The following SAFB2 variants were observed in gnomAD, a reference collection of about 807,000 sequenced individuals.
The protein encoded by SAFB2 is scaffold attachment factor B2.
A neutral mutation model predicts 100.6 loss-of-function variants in SAFB2; 32 were observed. That is an observed-to-expected ratio of 0.32 (90% CI 0.24 to 0.43). SAFB2 has a LOEUF of 0.43. SAFB2 is among the 20% of genes least tolerant of loss of function. SAFB2 has a pLI of 1.00. For missense variants in SAFB2, 1,185 were observed against 1,163.4 expected (o/e 1.02, Z -0.27); for synonymous variants, 500 against 439.4 (o/e 1.14, Z -1.72).
chr19:5,608,941 G>C (rs940628661), intron 9 of SAFB2, among the ~76,000 whole-genome samples: 12 of 150,942 alleles, frequency 8.0e-5, no homozygotes, highest in Non-Finnish European at 1.8e-4. Flanking sequence ...CCAGCTACTC[G>C]AGAAGCTAAG....
chr19:5,622,381 G>A (rs922048213), intron 1 of SAFB2, 149 bp downstream of exon 1: 3 of 668,032 alleles, frequency 4.5e-6, no homozygotes, highest in East Asian at 6.5e-5. Context: ...TCACACAGCC[G>A]GCCCCCTGGG....
rs1353586960 is a variant in SAFB2 at position 5,587,401 on chromosome 19, T to C, written c.2706-2A>G. Reference sequence around the variant, plus strand: ...CCACCTTGTGCAAAGCCGCCTCGCCTAGGAACAAAGTCAGACAATTTTTTT... The same window carrying C: ...CCACCTTGTGCAAAGCCGCCTCGCCCAGGAACAAAGTCAGACAATTTTTTT... On this transcript the variant is annotated splice_acceptor_variant, in intron 20 of 20. Coordinates refer to ENST00000252542, the MANE Select transcript of SAFB2 (RefSeq NM_014649.3). LOFTEE classifies it high-confidence loss of function. The surrounding 1 kb of genome is among the most constrained non-coding windows in gnomAD (Gnocchi z 4.9). The C allele has an allele frequency of 6.2e-7, 1 of 1,608,980 alleles. No individual in the cohort carries two copies. The highest frequency in any genetic ancestry group is 8.5e-7 in the Non-Finnish European group (1 of 1,177,826).
In SAFB2 at chr19:5,587,393, G is replaced by A. The variant is rs759357896; in HGVS notation, c.2712C>T (p.Gly904=). The A allele has an allele frequency of 8.7e-6, 14 of 1,610,670 alleles. No homozygotes were observed. Among genetic ancestry groups the A allele is most frequent in the South Asian group, 5.5e-5 (5 of 90,442 alleles). The part of the protein sequence containing the change: ...MASRGGVAGR[G]GFAQGGHSQG... ...GGGAATGTCCACCTTGTGCAAAGCC[G>A]CCTCGCCTAGGAACAAAGTCAGACA... Residue 904 remains glycine, a synonymous_variant, in exon 21 of 21, where the codon GGC becomes GGT. Coordinates refer to ENST00000252542, the MANE Select transcript of SAFB2 (RefSeq NM_014649.3). This position sits in a 1 kb window ranked among gnomAD's most constrained non-coding sequence, Gnocchi z 4.9.
intron 14 of SAFB2, among the ~76,000 whole-genome samples, chr19:5,594,457 A>C (rs902616584): frequency 2.6e-5 from 4 of 152,190 alleles, no homozygotes; most frequent in African/African-American, 9.7e-5. Context: ...ATATTTGAGG[A>C]AAAGTGACAA....
intron 2 of SAFB2, among the ~76,000 whole-genome samples, chr19:5,619,605 C>T (rs541663484): frequency 2.2e-4 from 34 of 152,234 alleles, no homozygotes; most frequent in Admixed American, 6.5e-4. Flanking sequence ...TTTGGGAGGC[C>T]CAGGCGGGTG....
At chr19:5,604,198 C>G (rs2052723678) in intron 11 of SAFB2, among the ~76,000 whole-genome samples, 1 of 152,160 alleles carries the variant, frequency 6.6e-6, no homozygotes. Context: ...ATCATGTGAA[C>G]TCAGGAGTTT....
rs1187698292 is a variant in SAFB2 at position 5,621,523 on chromosome 19, T to G, written c.187-127A>C. On this transcript the variant is annotated intron_variant, in intron 1 of 20. Coordinates refer to ENST00000252542, the MANE Select transcript of SAFB2 (RefSeq NM_014649.3). Reference sequence around the variant, plus strand: ...TTGCAAAGAGCAACTCCGGGTCAGCTATCTGGGCCGCAAGCCCAAAAGGCG... The same window carrying G: ...TTGCAAAGAGCAACTCCGGGTCAGCGATCTGGGCCGCAAGCCCAAAAGGCG... 1.4e-5 allele frequency: 10 copies of G among 710,740 alleles called. No homozygotes were observed. The Admixed American group carries it at 1.8e-4, about 12-fold the overall frequency. The allele number at this position is 710,740 out of a possible 1,614,324, so 44.0% of individuals were successfully genotyped here.
At chr19:5,602,246 G>A (rs991935181) in intron 11 of SAFB2, among the ~76,000 whole-genome samples, 14 of 152,034 alleles carry the variant, frequency 9.2e-5, no homozygotes, top group African/African-American at 3.4e-4. Flanking sequence ...GGGAGGCTGA[G>A]GTGGGTGGAT....
Position 5,590,327 on chromosome 19 carries a change from C to A in SAFB2, c.2476G>T (p.Gly826Cys), listed in dbSNP as rs143019060. The A allele has an allele frequency of 3.1e-6, 5 of 1,609,118 alleles. No individual in the cohort carries two copies. The South Asian group carries it at 5.6e-5, about 18-fold the overall frequency. ...CCTTCACTCAGCCTCTTGTCGGAGCCGTAGCCCCCCCAGCCATCACGGGAG... is the reference window on the plus strand; with the variant it reads ...CCTTCACTCAGCCTCTTGTCGGAGCAGTAGCCCCCCCAGCCATCACGGGAG... ...RDSRDGWGGY[G>C]SDKRLSEGRG... The change falls in exon 18 of 21, where the codon GGC becomes TGC. Residue 826 changes from glycine (G) to cysteine (C), a missense_variant. Around this residue, in one of 3 missense-constraint regions of SAFB2, gnomAD observed 740 missense variants for 687.1 expected, o/e 1.08. Coordinates refer to ENST00000252542, the MANE Select transcript of SAFB2 (RefSeq NM_014649.3).
intron 13 of SAFB2, among the ~76,000 whole-genome samples, chr19:5,598,208 T>A (rs1380363016): frequency 6.6e-6 from 1 of 151,996 alleles, no homozygotes; most frequent in African/African-American, 2.4e-5. Context: ...AACTCCACAT[T>A]CGTTAAAAAA....
intron 11 of SAFB2, among the ~76,000 whole-genome samples, chr19:5,602,905 ACCG>A (rs1357885405): frequency 1.4e-5 from 2 of 140,056 alleles, no homozygotes; most frequent in Non-Finnish European, 1.6e-5. Flanking sequence ...TAGAGGGCTC[ACCG>A]CCCCCCCCAC....
In SAFB2 at chr19:5,612,520, C is replaced by T. The variant is rs759092278; in HGVS notation, c.634+20G>A. On this transcript the variant is annotated intron_variant, in intron 6 of 20. Transcript: ENST00000252542. ...GTGAAAACTTTCAAACCATAACTGT[C>T]GTGTTTCTCTTATCAGTACCTGGCT... 68 of 1,607,510 alleles carry T rather than the reference C, an allele frequency of 4.2e-5. No homozygotes were observed. Among genetic ancestry groups the T allele is most frequent in the Admixed American group, 1.3e-4 (8 of 59,990 alleles).
intron 18 of SAFB2, 65 bp from the exon 19 acceptor site, chr19:5,588,045 G>A (rs2145309350): frequency 6.9e-6 from 10 of 1,439,902 alleles, no homozygotes; most frequent in African/African-American, 2.8e-5. Flanking sequence ...GGCAGCAGGC[G>A]CACCCACCCT....
rs371428921 is a variant in SAFB2 at position 5,600,210 on chromosome 19, G to A, written c.1610C>T (p.Pro537Leu). Residue 537 changes from proline (P) to leucine (L), a missense_variant, in exon 12 of 21, where the codon CCT becomes CTT. This residue lies in a region of SAFB2 where 740 missense variants were observed against 687.1 expected (regional missense o/e 1.08). Coordinates refer to ENST00000252542, the MANE Select transcript of SAFB2 (RefSeq NM_014649.3). ...TTTTTCTTCCTTCTTAATGTCTTCA[G>A]GCTTTTTTTCCTCCTTCTTCTCAAT... is the stretch of plus-strand genomic sequence containing the variant. ...EKIEKKEEKK[P>L]EDIKKEEKDQ... The A allele has an allele frequency of 1.2e-6, 2 of 1,613,558 alleles. No homozygotes were observed. The highest frequency in any genetic ancestry group is 2.7e-5 in the African/African-American group (2 of 74,802).
chr19:5,600,405 A>C (rs752220818), intron 11 of SAFB2, 145 bp from the exon 12 acceptor site: 24 of 1,011,596 alleles, frequency 2.4e-5, no homozygotes, highest in Non-Finnish European at 3.3e-5. Flanking sequence ...ATTATTTGGA[A>C]CCCATAGTAA....
At chr19:5,602,115 A>T (rs1385877151) in intron 11 of SAFB2, among the ~76,000 whole-genome samples, 1 of 152,154 alleles carries the variant, frequency 6.6e-6, no homozygotes, top group African/African-American at 2.4e-5. Context: ...GAAGAAAAAA[A>T]TAAGGTCAAA....
intron 13 of SAFB2, chr19:5,598,499 C>T (rs899807454): frequency 4.9e-6 from 2 of 404,358 alleles, no homozygotes; most frequent in Non-Finnish European, 9.2e-6. Context: ...CTCGAAAAGC[C>T]TGGGTCTGGC....
chr19:5,608,132 T>G (rs1033570069), intron 9 of SAFB2, among the ~76,000 whole-genome samples: 1 of 152,152 alleles, frequency 6.6e-6, no homozygotes, highest in Non-Finnish European at 1.5e-5. Flanking sequence ...CCTCTGGCCT[T>G]CCTACGTCCT....
At chr19:5,589,518 C>T (rs2052341925) in intron 18 of SAFB2, among the ~76,000 whole-genome samples, 1 of 151,986 alleles carries the variant, frequency 6.6e-6, no homozygotes, top group Non-Finnish European at 1.5e-5. Flanking sequence ...GGGCTGGAGA[C>T]AAGACAGGAC....
Sources: gnomAD v4.1 joint callset for allele counts (sites outside exome capture counted in the v4.1 genomes callset) on GRCh38, gnomAD v4.1.1 for gene constraint, gnomAD v4.1.1 regional missense constraint, Gnocchi (gnomAD v3.1) non-coding constraint, MANE v1.5 for transcripts, NCBI Gene and HGNC (gene_info 2026-07-23, HGNC 2026-07-21) for gene names.